Variants in DYNC1H1 observed in about 807,000 individuals in gnomAD.
DYNC1H1 encodes the protein dynein cytoplasmic 1 heavy chain 1.
Under a neutral mutation model 527.1 loss-of-function variants are expected in DYNC1H1, and 51 were observed. That is an observed-to-expected ratio of 0.10 (90% confidence interval 0.08 to 0.12). DYNC1H1 has a LOEUF of 0.12. Ranked by LOEUF, DYNC1H1 falls within the 10% of genes least tolerant of loss-of-function variation. The pLI is 1.00. For synonymous variants in DYNC1H1, 2,189 were observed against 2,278.8 expected, an observed-to-expected ratio of 0.96 and a Z score of 1.12; for missense variants, 2,771 against 5,971.8, an observed-to-expected ratio of 0.46 and a Z score of 17.66.
At chr14:102,026,551 G>A in intron 43 of DYNC1H1, 23 bp from the exon 44 acceptor site, 1 of 1,613,414 alleles carries the variant, frequency 6.2e-7, no homozygotes, top group Non-Finnish European at 8.5e-7. Context: ...TAAGTAATTT[G>A]GGTATTACCT....
Position 101,979,186 on chromosome 14 carries a change from A to T in DYNC1H1, c.345-133A>T. 3 of 865,730 alleles carry T rather than the reference A, an allele frequency of 3.5e-6. No individual in the cohort carries two copies. The highest frequency in any genetic ancestry group is 4.8e-5 in the Admixed American group (2 of 41,608). 53.6% of individuals were successfully genotyped at this position (865,730 alleles called of 1,614,324 possible). On this transcript the variant is annotated intron_variant, in intron 2 of 77. Coordinates refer to ENST00000360184, the MANE Select transcript of DYNC1H1 (RefSeq NM_001376.5). This position sits in a 1 kb window ranked among gnomAD's most constrained non-coding sequence, Gnocchi z 4.6. ...AACCTTGATTCAGTAGCTCTCATGT[A>T]CTAAAGAAAGACAAGCAGTGCATTT...
chr14:101,971,085 CTTTTTTT>C (rs780745783), intron 1 of DYNC1H1, among the ~76,000 whole-genome samples: 3 of 64,080 alleles, frequency 4.7e-5, no homozygotes, highest in Non-Finnish European at 8.7e-5. Flanking sequence ...CCGTATCATT[CTTTTTTT>C]TTTTTTTTTT....
chr14:102,031,742 G>A lies in DYNC1H1; in HGVS notation c.9884-530G>A, dbSNP rs992731579. Among the ~76,000 whole-genome samples the A allele has an allele frequency of 5.3e-5, 8 of 152,130 alleles. No individual in the cohort carries two copies. The South Asian group carries it at 1.0e-3, about 20-fold the overall frequency. On this transcript the variant is annotated intron_variant, in intron 51 of 77. Transcript: ENST00000360184. The stretch of plus-strand genomic sequence containing the variant: ...GGCAGGGGCGGGTGGATCACCTGAG[G>A]TCGGGAGTTCAAGACCAGCCTGACC...
In DYNC1H1 at chr14:102,052,784, A is replaced by G. The variant is rs373025403; in HGVS notation, c.*2221A>G. 5 of 152,342 alleles carry G rather than the reference A, an allele frequency of 3.3e-5. No homozygotes were observed. In the East Asian group the frequency reaches 9.7e-4, roughly 29 times the overall value. 9.4% of individuals were successfully genotyped at this position (152,342 alleles called of 1,614,324 possible). ...TCGAGTCCTCGGGCTACGTGCCCTCATCTTTGGCTTCCAGGGACACGGGCC... is the reference window on the plus strand; with the variant it reads ...TCGAGTCCTCGGGCTACGTGCCCTCGTCTTTGGCTTCCAGGGACACGGGCC... On this transcript the variant is annotated 3_prime_UTR_variant, in exon 78 of 78. Transcript: ENST00000360184.
Position 102,047,799 on chromosome 14 carries a change from T to C in DYNC1H1, c.13007-18T>C, listed in dbSNP as rs750943571. ...TCCCCTCCCTCCTTCCTGCTGCGAC[T>C]GTGGGACTGTGGCCCAGGTGTGGAC... is the stretch of plus-strand genomic sequence containing the variant. On this transcript the variant is annotated intron_variant, in intron 72 of 77. Coordinates refer to ENST00000360184, the MANE Select transcript of DYNC1H1 (RefSeq NM_001376.5). 10 of 1,612,780 alleles carry C rather than the reference T, an allele frequency of 6.2e-6. No individual in the cohort carries two copies. The highest frequency in any genetic ancestry group is 5.9e-6 in the Non-Finnish European group (7 of 1,179,952).
chr14:101,972,684 A>G (rs1291203617), intron 1 of DYNC1H1, among the ~76,000 whole-genome samples: 1 of 152,122 alleles, frequency 6.6e-6, no homozygotes, highest in Non-Finnish European at 1.5e-5. Context: ...TTTCTGTGTG[A>G]TTTTATTTGT....
chr14:101,998,879 C>CTTTTTTTTTTGTTTTTTTTTTT lies in DYNC1H1; in HGVS notation c.3805-1100_3805-1099insGTTTTTTTTTTTTTTTTTTTTT, dbSNP rs1470140199. ...TAATGTGTTAGAGTTAAAACTTTTT[C>CTTTTTTTTTTGTTTTTTTTTTT]TTTTTTTTTTTTTTTTTTTTGAGAC... On this transcript the variant is annotated intron_variant, in intron 16 of 77. Coordinates refer to ENST00000360184, the MANE Select transcript of DYNC1H1 (RefSeq NM_001376.5). Among the ~76,000 whole-genome samples the CTTTTTTTTTTGTTTTTTTTTTT allele has an allele frequency of 2.1e-4, 24 of 115,212 alleles. 1 individual carries two copies. The highest frequency in any genetic ancestry group is 7.9e-4 in the African/African-American group (21 of 26,548). The allele number at this position is 115,212 out of a possible 152,430, so 75.6% of individuals were successfully genotyped here.
chr14:102,029,342 G>A lies in DYNC1H1; in HGVS notation c.9469-197G>A, dbSNP rs529376726. The A allele has an allele frequency of 6.2e-6, 4 of 642,754 alleles. No individual in the cohort carries two copies. In the African/African-American group the frequency reaches 7.3e-5, roughly 12 times the overall value. 39.8% of individuals were successfully genotyped at this position (642,754 alleles called of 1,614,324 possible). On this transcript the variant is annotated intron_variant, in intron 48 of 77. Transcript: ENST00000360184. The surrounding 1 kb of genome is among the most constrained non-coding windows in gnomAD (Gnocchi z 5.3). ...ATCCTCAGTTTAGAGAAGTTAAAGGGCTTAGAGAGGTTTGGAAGTGTAAGG... is the reference window on the plus strand; with the variant it reads ...ATCCTCAGTTTAGAGAAGTTAAAGGACTTAGAGAGGTTTGGAAGTGTAAGG...
rs1252027583 is a variant in DYNC1H1 at position 101,979,523 on chromosome 14, A to G, written c.518+31A>G. 4.3e-6 allele frequency: 7 copies of G among 1,613,826 alleles called. No homozygotes were observed. The highest frequency in any genetic ancestry group is 5.1e-6 in the Non-Finnish European group (6 of 1,179,902). On this transcript the variant is annotated intron_variant, in intron 3 of 77. Coordinates refer to ENST00000360184, the MANE Select transcript of DYNC1H1 (RefSeq NM_001376.5). The surrounding 1 kb of genome is among the most constrained non-coding windows in gnomAD (Gnocchi z 4.6). ...AACTGTGGTTTGAATGTTATATTTC[A>G]CTTAATGTTCACAAGATAGTATAGA...
chr14:101,970,485 T>TG (rs1566993132), intron 1 of DYNC1H1, among the ~76,000 whole-genome samples: 4 of 122,812 alleles, frequency 3.3e-5, no homozygotes, highest in African/African-American at 3.5e-5. Flanking sequence ...TTTTTTTTTT[T>TG]TTTTTTTTTT....
chr14:102,041,643 T>C lies in DYNC1H1; in HGVS notation c.12011T>C (p.Met4004Thr). ...TTCCGGCCCGATCGCCTGTTGGCCA[T>C]GGCCCACATGTTTGTTTCAACAAAC... ...QAFRPDRLLA[M>T]AHMFVSTNLG... Residue 4004 changes from methionine (M) to threonine (T), a missense_variant, in exon 65 of 78, where the codon ATG becomes ACG. Around this residue, in one of 32 missense-constraint regions of DYNC1H1, gnomAD observed 120 missense variants for 161.9 expected, o/e 0.74. Coordinates refer to ENST00000360184, the MANE Select transcript of DYNC1H1 (RefSeq NM_001376.5). This position sits in a 1 kb window ranked among gnomAD's most constrained non-coding sequence, Gnocchi z 4.5. The C allele has an allele frequency of 1.9e-6, 3 of 1,614,224 alleles. No individual in the cohort carries two copies. The highest frequency in any genetic ancestry group is 2.2e-5 in the East Asian group (1 of 44,872).
At chr14:102,028,234 A>C in intron 48 of DYNC1H1, 93 bp downstream of exon 48, 2 of 1,442,562 alleles carry the variant, frequency 1.4e-6, no homozygotes, top group Non-Finnish European at 1.9e-6. Context: ...CCTTAAGGCC[A>C]GGTGCAGTGA....
Position 102,044,896 on chromosome 14 carries a change from G to C in DYNC1H1, c.13006+198G>C. ...TGCTCCTAGCTCCACTCCGAGGGGA[G>C]GCAGAGGAAAGAACTGGCTCTTCTC... On this transcript the variant is annotated intron_variant, in intron 72 of 77. Transcript: ENST00000360184. This position sits in a 1 kb window ranked among gnomAD's most constrained non-coding sequence, Gnocchi z 7.1. The C allele has an allele frequency of 1.6e-6, 1 of 632,168 alleles. No individual in the cohort carries two copies. Among genetic ancestry groups the C allele is most frequent in the Non-Finnish European group, 2.8e-6 (1 of 360,838 alleles). 39.2% of individuals were successfully genotyped at this position (632,168 alleles called of 1,614,324 possible).
At chr14:101,967,290 T>C (rs1384809854) in intron 1 of DYNC1H1, among the ~76,000 whole-genome samples, 1 of 152,206 alleles carries the variant, frequency 6.6e-6, no homozygotes, top group African/African-American at 2.4e-5. Context: ...TTAATTACAG[T>C]GAAAAGATAG....
chr14:102,008,310 G>C lies in DYNC1H1; in HGVS notation c.5950G>C (p.Glu1984Gln). ...GCAGTGCATACAGGAAGCACTGCGTGAACATTCCAACCCCAACTACGACAA... is the reference window on the plus strand; with the variant it reads ...GCAGTGCATACAGGAAGCACTGCGTCAACATTCCAACCCCAACTACGACAA... Reference protein sequence around the residue: ...QVQCIQEALREHSNPNYDKTS... With the variant: ...QVQCIQEALRQHSNPNYDKTS... Residue 1984 changes from glutamate (E) to glutamine (Q), a missense_variant, in exon 29 of 78, where the codon GAA becomes CAA. Around this residue, in one of 32 missense-constraint regions of DYNC1H1, gnomAD observed 39 missense variants for 38.8 expected, o/e 1.00. Transcript: ENST00000360184. 1 of 1,614,198 alleles carries C rather than the reference G, an allele frequency of 6.2e-7. No homozygotes were observed.
chr14:102,001,500 T>TA lies in DYNC1H1; in HGVS notation c.4396-34dup. ...CTTGTGCAGGTAGTGAATGCCCACATATTGATAACATGCATCTTTCTGGTT... is the reference window on the plus strand; with the variant it reads ...CTTGTGCAGGTAGTGAATGCCCACATAATTGATAACATGCATCTTTCTGGTT... On this transcript the variant is annotated intron_variant, in intron 20 of 77. Coordinates refer to ENST00000360184, the MANE Select transcript of DYNC1H1 (RefSeq NM_001376.5). This position sits in a 1 kb window ranked among gnomAD's most constrained non-coding sequence, Gnocchi z 5.0. 6.2e-7 allele frequency: 1 copy of TA among 1,614,172 alleles called. No homozygotes were observed.
At chr14:102,028,259 C>G (rs1277581061) in intron 48 of DYNC1H1, 118 bp downstream of exon 48, 5 of 1,265,820 alleles carry the variant, frequency 4.0e-6, no homozygotes. Flanking sequence ...TGCCTGTAAT[C>G]CCAGCACTTT....
rs996115621 is a variant in DYNC1H1, at chr14:102,000,003, A to C, written c.3819A>C (p.Pro1273=). 1 of 1,614,122 alleles carries C rather than the reference A, an allele frequency of 6.2e-7. No homozygotes were observed. Among genetic ancestry groups the C allele is most frequent in the Non-Finnish European group, 8.5e-7 (1 of 1,180,056 alleles). Residue 1273 remains proline (P), a synonymous_variant, in exon 17 of 78, where the codon CCA becomes CCC. Transcript: ENST00000360184. ...ACTGCTTTCAGGGCAACCTTCGCCCAGAAGAGGCACTTCAGGCTCTCACCA... is the reference window on the plus strand; with the variant it reads ...ACTGCTTTCAGGGCAACCTTCGCCCCGAAGAGGCACTTCAGGCTCTCACCA... The part of the protein sequence containing the change: ...KTKPVTGNLR[P]EEALQALTIY...
intron 43 of DYNC1H1, among the ~76,000 whole-genome samples, chr14:102,024,117 C>T (rs1262216937): frequency 2.0e-5 from 3 of 152,112 alleles, no homozygotes; most frequent in Non-Finnish European, 4.4e-5. Flanking sequence ...GTTGCTTCAG[C>T]GGGTTTGCAG....
Sources: gnomAD v4.1 joint callset for allele counts (sites outside exome capture counted in the v4.1 genomes callset) on GRCh38, gnomAD v4.1.1 for gene constraint, gnomAD v4.1.1 regional missense constraint, Gnocchi (gnomAD v3.1) non-coding constraint, MANE v1.5 for transcripts, NCBI Gene and HGNC (gene_info 2026-07-23, HGNC 2026-07-21) for gene names.